PRKCH: variants seen among roughly 807,000 people sequenced by gnomAD.
PRKCH encodes the protein protein kinase C eta type.
In PRKCH, 28 loss-of-function variants were observed where a neutral mutation model predicts 82.5. The observed-to-expected ratio is 0.34, with a 90% CI of 0.25 to 0.47. The LOEUF (loss-of-function observed/expected upper bound fraction) is 0.47, where lower values mean the gene tolerates loss of function less well. Ranked by LOEUF, PRKCH falls within the 20% of genes least tolerant of loss-of-function variation. PRKCH has a pLI of 1.00. For synonymous variants in PRKCH, 322 were observed against 327.4 expected (o/e 0.98, Z 0.18); for missense variants, 705 against 881.8 (o/e 0.80, Z 2.54).
intron 2 of PRKCH, among the ~76,000 whole-genome samples, chr14:61,399,489 CAGAA>C (rs1428556960): frequency 6.6e-6 from 1 of 152,104 alleles, no homozygotes. Flanking sequence ...TACTGTGCTT[CAGAA>C]AGACTTTTTT....
intron 10 of PRKCH, among the ~76,000 whole-genome samples, chr14:61,517,173 A>G (rs1181062745): frequency 2.0e-5 from 3 of 152,184 alleles, no homozygotes; most frequent in African/African-American, 7.2e-5. Flanking sequence ...AGCAGCCTGC[A>G]CATCCCTCCT....
intron 1 of PRKCH, among the ~76,000 whole-genome samples, chr14:61,207,356 C>T (rs888756462): frequency 6.6e-6 from 1 of 152,056 alleles, no homozygotes; most frequent in African/African-American, 2.4e-5. Flanking sequence ...CTGGTTTCTC[C>T]TTGTTTCCTT....
chr14:61,228,588 G>A (rs2044715907), intron 1 of PRKCH, among the ~76,000 whole-genome samples: 1 of 142,042 alleles, frequency 7.0e-6, no homozygotes, highest in Admixed American at 7.4e-5. Flanking sequence ...TCTGATAGCA[G>A]CTCACAGTTG....
chr14:61,266,140 G>A (rs895806361), intron 1 of PRKCH, among the ~76,000 whole-genome samples: 2 of 152,068 alleles, frequency 1.3e-5, no homozygotes, highest in Non-Finnish European at 2.9e-5. Flanking sequence ...GTCCTTGGCT[G>A]GACATGGTGG....
chr14:61,275,640 C>T (rs1329885323), intron 1 of PRKCH, among the ~76,000 whole-genome samples: 1 of 152,156 alleles, frequency 6.6e-6, no homozygotes, highest in Non-Finnish European at 1.5e-5. Flanking sequence ...TTCTCAAAGC[C>T]CTTGTCATCA....
intron 10 of PRKCH, among the ~76,000 whole-genome samples, chr14:61,486,792 G>C (rs1272919599): frequency 2.0e-5 from 3 of 151,624 alleles, no homozygotes; most frequent in Admixed American, 1.3e-4. Context: ...AGGATTACAG[G>C]CATGAGTCAC....
intron 9 of PRKCH, among the ~76,000 whole-genome samples, chr14:61,461,363 AG>A (rs1051018748): frequency 1.3e-4 from 20 of 152,280 alleles, no homozygotes; most frequent in African/African-American, 4.1e-4. Flanking sequence ...GAGGCTTGAG[AG>A]GGATAGCTGG....
At chr14:61,510,045 G>T (rs1887309798) in intron 10 of PRKCH, among the ~76,000 whole-genome samples, 1 of 152,166 alleles carries the variant, frequency 6.6e-6, no homozygotes, top group Non-Finnish European at 1.5e-5. Context: ...TCCATGCTAG[G>T]TAGACATAGC....
At chr14:61,343,238 G>A (rs1268062499) in intron 1 of PRKCH, among the ~76,000 whole-genome samples, 2 of 150,978 alleles carry the variant, frequency 1.3e-5, no homozygotes, top group Non-Finnish European at 2.9e-5. Context: ...CCTGTCTGGA[G>A]AATGGGCTTA....
At chr14:61,469,510 T>C (rs1566900194) in intron 9 of PRKCH, among the ~76,000 whole-genome samples, 1 of 152,142 alleles carries the variant, frequency 6.6e-6, no homozygotes, top group Non-Finnish European at 1.5e-5. Flanking sequence ...GGAAGCTGGG[T>C]TGAGTCCTGC....
At chr14:61,286,383 T>G (rs1328419752) in intron 1 of PRKCH, among the ~76,000 whole-genome samples, 1 of 152,126 alleles carries the variant, frequency 6.6e-6, no homozygotes, top group Non-Finnish European at 1.5e-5. Context: ...CAGAGAAACT[T>G]TAATTAACTA....
Position 61,322,321 on chromosome 14 carries a change from G to T in PRKCH, c.220G>T (p.Ala74Ser). 1 of 1,613,358 alleles carries T rather than the reference G, an allele frequency of 6.2e-7. No homozygotes were observed. ...NKPTYNEEFC[A>S]NVTDGGHLEL... is the part of the protein sequence containing the mutation. ...ACCCACGTACAACGAGGAGTTTTGC[G>T]CTAACGTCACCGACGGCGGCCACCT... The change falls in exon 1 of 14, where the codon GCT (alanine) becomes TCT (serine). Residue 74 changes from alanine to serine, a missense_variant. Ala to Ser is a moderately conservative substitution (Grantham distance 99). Coordinates refer to ENST00000332981, the MANE Select transcript of PRKCH (RefSeq NM_006255.5).
intron 1 of PRKCH, among the ~76,000 whole-genome samples, chr14:61,344,840 C>G (rs926955819): frequency 6.6e-6 from 1 of 152,130 alleles, no homozygotes; most frequent in Non-Finnish European, 1.5e-5. Flanking sequence ...GCTTGAAGAA[C>G]CTTAAAGGTC....
intron 1 of PRKCH, among the ~76,000 whole-genome samples, chr14:61,216,973 G>T (rs932401646): frequency 2.2e-4 from 34 of 152,246 alleles, no homozygotes; most frequent in African/African-American, 8.2e-4. Context: ...TGGAGCCCTT[G>T]ATCTATACCT....
At chr14:61,505,257 G>A (rs1293270446) in intron 10 of PRKCH, among the ~76,000 whole-genome samples, 1 of 152,106 alleles carries the variant, frequency 6.6e-6, no homozygotes, top group African/African-American at 2.4e-5. Flanking sequence ...GAAAGTGCAA[G>A]GTCAAGGTAC....
chr14:61,481,660 T>C (rs576142620), intron 9 of PRKCH, among the ~76,000 whole-genome samples: 13 of 152,310 alleles, frequency 8.5e-5, no homozygotes, highest in African/African-American at 2.6e-4. Context: ...TGAAAGATAC[T>C]GAAAGGTAGA....
intron 2 of PRKCH, among the ~76,000 whole-genome samples, chr14:61,439,144 G>A (rs965610374): frequency 2.0e-5 from 3 of 152,186 alleles, no homozygotes; most frequent in East Asian, 1.9e-4. Context: ...ATTTCTCAAA[G>A]CCCTGGTTGA....
At chr14:61,240,355 G>T (rs760244958) in intron 1 of PRKCH, among the ~76,000 whole-genome samples, 1 of 152,062 alleles carries the variant, frequency 6.6e-6, no homozygotes, top group East Asian at 1.9e-4. Flanking sequence ...CAGGGGATTC[G>T]TTTAACCAGC....
chr14:61,516,847 G>T (rs540594676), intron 10 of PRKCH, among the ~76,000 whole-genome samples: 1 of 152,088 alleles, frequency 6.6e-6, no homozygotes, highest in Non-Finnish European at 1.5e-5. Context: ...AATCCAGTTG[G>T]GAGAAACAAA....
Sources: allele counts gnomAD v4.1 joint callset (sites outside exome capture counted in the v4.1 genomes callset), GRCh38; gene constraint gnomAD v4.1.1; transcripts MANE v1.5; gene names NCBI Gene and HGNC (gene_info 2026-07-23, HGNC 2026-07-21).